The following KCNQ2 variants were observed in gnomAD, a reference collection of about 807,000 sequenced individuals.
The protein encoded by KCNQ2 is potassium voltage-gated channel subfamily Q member 2.
KCNQ2 carries 14 observed loss-of-function variants against 84.8 expected under a neutral mutation model. The observed-to-expected ratio is 0.17, with a 90% CI of 0.11 to 0.26. The LOEUF (loss-of-function observed/expected upper bound fraction) is 0.26. KCNQ2 is among the 10% of genes least tolerant of loss of function. The pLI, the probability that KCNQ2 is intolerant of heterozygous loss-of-function variation, is 1.00. For missense variants in KCNQ2, 788 were observed against 1,254.0 expected (o/e 0.63, Z 5.61); for synonymous variants, 599 against 554.1 (o/e 1.08, Z -1.14).
At chr20:63,467,410 G>A (rs2082109321) in intron 1 of KCNQ2, among the ~76,000 whole-genome samples, 1 of 152,184 alleles carries the variant, frequency 6.6e-6, no homozygotes, top group Non-Finnish European at 1.5e-5. Context: ...GGCTAGCCCG[G>A]CTCCTGTGCA....
At chr20:63,469,922 G>T (rs752324167) in intron 1 of KCNQ2, among the ~76,000 whole-genome samples, 17 of 152,266 alleles carry the variant, frequency 1.1e-4, no homozygotes, top group South Asian at 4.1e-4. Context: ...TGGGAGCCGG[G>T]CGGTGAGCTG....
At chr20:63,469,374 G>C (rs987015859) in intron 1 of KCNQ2, among the ~76,000 whole-genome samples, 1 of 152,258 alleles carries the variant, frequency 6.6e-6, no homozygotes, top group Non-Finnish European at 1.5e-5. Flanking sequence ...CACCCAGGCA[G>C]TGCGAGCAGA....
At position 63,403,583 on chromosome 20, in the gene KCNQ2, G is replaced by A. The variant is rs2079852997; in HGVS notation, c.*3061C>T. 6.6e-6 allele frequency: 1 copy of A among 152,450 alleles called. No homozygotes were observed. 9.4% of individuals were successfully genotyped at this position (152,450 alleles called of 1,614,324 possible). A position where few individuals can be genotyped will look rare whatever the true frequency, so the allele number is the denominator to read the frequency against. ...GAGCTACACGTGTGTGCATGTGTGT[G>A]ATCTGTGCACGTGTACATGTAAGCG... On this transcript the variant is annotated 3_prime_UTR_variant, in exon 17 of 17. Coordinates refer to ENST00000359125, the MANE Select transcript of KCNQ2 (RefSeq NM_172107.4).
Position 63,407,386 on chromosome 20 carries a change from G to C in KCNQ2, c.1888-11C>G, listed in dbSNP as rs1201872002. ...CTCCATGGACAAGACCTGCAAAAGG[G>C]GCTGCTGGGCTGGGGTGCGAGGGCC... On this transcript the variant is annotated splice_polypyrimidine_tract_variant and intron_variant, in intron 16 of 16. Transcript: ENST00000359125. This position sits in a 1 kb window ranked among gnomAD's most constrained non-coding sequence, Gnocchi z 7.2. The C allele has an allele frequency of 1.3e-6, 2 of 1,597,682 alleles. No homozygotes were observed. Among genetic ancestry groups the C allele is most frequent in the Non-Finnish European group, 8.5e-7 (1 of 1,179,556 alleles).
chr20:63,438,805 AC>A lies in KCNQ2; in HGVS notation c.928-86del, dbSNP rs935971274. 2.7e-4 allele frequency: 239 copies of A among 899,646 alleles called. No individual in the cohort carries two copies. The highest frequency in any genetic ancestry group is 3.2e-4 in the Non-Finnish European group (195 of 605,212). The allele number at this position is 899,646 out of a possible 1,614,324, so 55.7% of individuals were successfully genotyped here. On this transcript the variant is annotated intron_variant, in intron 6 of 16. Coordinates refer to ENST00000359125, the MANE Select transcript of KCNQ2 (RefSeq NM_172107.4). This position sits in a 1 kb window ranked among gnomAD's most constrained non-coding sequence, Gnocchi z 5.1. ...GTCAGACCATGCTCTGGGGCCCCAC[AC>A]CCCCCCCAATTCATCAGGGTCAGAC...
chr20:63,400,498 G>C lies in KCNQ2; in HGVS notation c.*6146C>G, dbSNP rs2079787032. ...CAAAGTTGAGATTGAAGTGTGCGGG[G>C]TAACACATCCACCAAAAAAAGGCCT... On this transcript the variant is annotated 3_prime_UTR_variant, in exon 17 of 17. Transcript: ENST00000359125. This position sits in a 1 kb window ranked among gnomAD's most constrained non-coding sequence, Gnocchi z 8.7. 1 of 397,476 alleles carries C rather than the reference G, an allele frequency of 2.5e-6. No homozygotes were observed. The highest frequency in any genetic ancestry group is 4.4e-6 in the Non-Finnish European group (1 of 225,920). 24.6% of individuals were successfully genotyped at this position (397,476 alleles called of 1,614,324 possible).
intron 1 of KCNQ2, among the ~76,000 whole-genome samples, chr20:63,447,633 C>T (rs914781515): frequency 4.7e-5 from 7 of 148,532 alleles, no homozygotes; most frequent in Non-Finnish European, 7.4e-5. Context: ...TTTCACTTGT[C>T]GCGCAGGCTG....
intron 1 of KCNQ2, among the ~76,000 whole-genome samples, chr20:63,454,618 C>A (rs1223943460): frequency 6.6e-6 from 1 of 152,262 alleles, no homozygotes; most frequent in African/African-American, 2.4e-5. Flanking sequence ...GCTTCCAGGC[C>A]TCCGCCTACA....
intron 1 of KCNQ2, among the ~76,000 whole-genome samples, chr20:63,467,026 A>G (rs1240803540): frequency 2.6e-5 from 4 of 152,246 alleles, no homozygotes; most frequent in Admixed American, 2.0e-4. Flanking sequence ...CCCGGGGGAC[A>G]TCGCAGGCAT....
At chr20:63,456,665 A>G (rs1327193924) in intron 1 of KCNQ2, among the ~76,000 whole-genome samples, 1 of 152,134 alleles carries the variant, frequency 6.6e-6, no homozygotes, top group East Asian at 1.9e-4. Flanking sequence ...AAGCAGCCCT[A>G]CAGTCACGTG....
chr20:63,451,028 C>T (rs1385989259), intron 1 of KCNQ2, among the ~76,000 whole-genome samples: 3 of 151,440 alleles, frequency 2.0e-5, no homozygotes, highest in Non-Finnish European at 4.4e-5. Flanking sequence ...ATCCCAGCTA[C>T]TTGGAAGGCT....
rs751334184 is a variant in KCNQ2, at chr20:63,408,486, G to C, written c.1814C>G (p.Thr605Ser). The part of the protein sequence containing the change: ...RGPAITDKDR[T>S]KGPAEAELPE... ...CAGCTCCGCCTCGGCCGGGCCCTTG[G>C]TGCGGTCCTTGTCCGTGATCGCTGG... Residue 605 changes from threonine (T) to serine (S), a missense_variant, in exon 16 of 17, where the codon ACC becomes AGC. Coordinates refer to ENST00000359125, the MANE Select transcript of KCNQ2 (RefSeq NM_172107.4). The surrounding 1 kb of genome is among the most constrained non-coding windows in gnomAD (Gnocchi z 5.0). The C allele has an allele frequency of 8.4e-5, 135 of 1,608,280 alleles. No individual in the cohort carries two copies. The highest frequency in any genetic ancestry group is 1.1e-4 in the Non-Finnish European group (129 of 1,178,340).
chr20:63,444,452 A>T (rs945139730), intron 4 of KCNQ2, among the ~76,000 whole-genome samples: 1 of 152,198 alleles, frequency 6.6e-6, no homozygotes, highest in Non-Finnish European at 1.5e-5. Context: ...CAGATGACAA[A>T]GATGGCCCAA....
At position 63,472,227 on chromosome 20, in the gene KCNQ2, A is replaced by G; in HGVS notation, c.237T>C (p.Asn79=). Residue 79 remains asparagine, a synonymous_variant, in exon 1 of 17, where the codon AAT becomes AAC. Transcript: ENST00000359125. The part of the protein sequence containing the change: ...KRNAFYRKLQ[N]FLYNVLERPR... ...GCCGCTCCAGCACGTTGTAGAGGAA[A>G]TTCTGCAGCTTGCGGTAGAAGGCGT... 2 of 1,547,084 alleles carry G rather than the reference A, an allele frequency of 1.3e-6. No homozygotes were observed. The highest frequency in any genetic ancestry group is 1.7e-6 in the Non-Finnish European group (2 of 1,147,428).
intron 7 of KCNQ2, among the ~76,000 whole-genome samples, chr20:63,437,190 G>A (rs1182798192): frequency 6.6e-6 from 1 of 152,152 alleles, no homozygotes; most frequent in Non-Finnish European, 1.5e-5. Context: ...CCTCTGAGGT[G>A]CGCCTGTGGA....
At chr20:63,436,664 T>C (rs2081018261) in intron 7 of KCNQ2, among the ~76,000 whole-genome samples, 1 of 152,318 alleles carries the variant, frequency 6.6e-6, no homozygotes, top group South Asian at 2.1e-4. Flanking sequence ...TGATTGTTAG[T>C]ATTTTTTTAG....
rs1302883384 is a variant in KCNQ2 at position 63,472,593 on chromosome 20, G to A, written c.-130C>T. On this transcript the variant is annotated 5_prime_UTR_variant, in exon 1 of 17. Transcript: ENST00000359125. Reference sequence around the variant, plus strand: ...GCCGAGGCGGCGGTTCCGCACTCCTGCCGGGCTTGGGCCGCGCGCGGAGAC... The same window carrying A: ...GCCGAGGCGGCGGTTCCGCACTCCTACCGGGCTTGGGCCGCGCGCGGAGAC... The A allele has an allele frequency of 2.6e-6, 2 of 761,580 alleles. No individual in the cohort carries two copies. Among genetic ancestry groups the A allele is most frequent in the Non-Finnish European group, 1.7e-6 (1 of 591,922 alleles). 47.2% of individuals were successfully genotyped at this position (761,580 alleles called of 1,614,324 possible).
intron 12 of KCNQ2, among the ~76,000 whole-genome samples, chr20:63,416,166 G>A (rs1444651696): frequency 1.3e-5 from 2 of 152,198 alleles, no homozygotes; most frequent in Admixed American, 1.3e-4. Context: ...CCAGGGCAGG[G>A]GGAGGCAGCC....
intron 1 of KCNQ2, chr20:63,459,151 T>G (rs1165283283): frequency 6.6e-6 from 1 of 152,108 alleles, no homozygotes; most frequent in East Asian, 1.9e-4. Flanking sequence ...CGAAGGAACC[T>G]GAGGGCAGGC....
Sources: allele counts gnomAD v4.1 joint callset (sites outside exome capture counted in the v4.1 genomes callset), GRCh38; gene constraint gnomAD v4.1.1; non-coding constraint Gnocchi (gnomAD v3.1); transcripts MANE v1.5; gene names NCBI Gene and HGNC (gene_info 2026-07-23, HGNC 2026-07-21).